The following CD163 variants were observed in gnomAD, a reference collection of about 807,000 sequenced individuals.
The protein encoded by CD163 is CD163 molecule.
Under a neutral mutation model 129.2 loss-of-function variants are expected in CD163, and 64 were observed. That is an observed-to-expected ratio of 0.50 (90% CI 0.41 to 0.61). The LOEUF (loss-of-function observed/expected upper bound fraction) is 0.61, where lower values mean the gene tolerates loss of function less well. Among genes scored for constraint, CD163 ranks in the 20% least tolerant of loss-of-function variants. The pLI is 0.00. For missense variants in CD163, 1,061 were observed against 1,377.9 expected (o/e 0.77, Z 3.64); for synonymous variants, 446 against 478.5 (o/e 0.93, Z 0.89).
intron 4 of CD163, among the ~76,000 whole-genome samples, chr12:7,497,943 T>G (rs74056492): frequency 0.021 from 3,193 of 152,238 alleles, 100 homozygotes; most frequent in African/African-American, 0.071. Flanking sequence ...CTATAGCTGA[T>G]CACATTGTTC....
Position 7,498,146 on chromosome 12 carries a change from C to CACACACAG in CD163, c.778+721_778+722insCTGTGTGT, listed in dbSNP as rs537347284. 1.8e-3 allele frequency among the ~76,000 whole-genome samples: 270 copies of CACACACAG among 148,938 alleles called. 1 individual carries two copies. Among genetic ancestry groups the CACACACAG allele is most frequent in the African/African-American group, 6.5e-3 (263 of 40,588 alleles). The stretch of plus-strand genomic sequence containing the variant: ...ATTTACACACACACACACACACACA[C>CACACACAG]AGAGAGAGAGAGAGAGAGAGAGAAA... On this transcript the variant is annotated intron_variant, in intron 4 of 16. Transcript: ENST00000432237.
At chr12:7,484,568 G>A (rs1433844836) in intron 11 of CD163, among the ~76,000 whole-genome samples, 1 of 148,756 alleles carries the variant, frequency 6.7e-6, no homozygotes, top group Non-Finnish European at 1.5e-5. Context: ...GAACCAAGAA[G>A]GCAGAGGTTG....
At position 7,497,228 on chromosome 12, in the gene CD163, G is replaced by A; in HGVS notation, c.779-95C>T. The A allele has an allele frequency of 8.2e-6, 8 of 981,552 alleles. No homozygotes were observed. In the South Asian group the frequency reaches 1.0e-4, roughly 12 times the overall value. The allele number at this position is 981,552 out of a possible 1,614,324, so 60.8% of individuals were successfully genotyped here. ...GAGATGAGTTAAGGAAAAGGGGAGA[G>A]ATATAAGTGGAGACAGAGAAAACTG... On this transcript the variant is annotated intron_variant, in intron 4 of 16. Transcript: ENST00000432237.
At position 7,497,243 on chromosome 12, in the gene CD163, A is replaced by G; in HGVS notation, c.779-110T>C. ...AAAGGGGAGAGATATAAGTGGAGAC[A>G]GAGAAAACTGTGATGTACTGTACTA... On this transcript the variant is annotated intron_variant, in intron 4 of 16. Coordinates refer to ENST00000432237, the MANE Select transcript of CD163 (RefSeq NM_203416.4). The G allele has an allele frequency of 3.4e-6, 3 of 871,344 alleles. No individual in the cohort carries two copies. The South Asian group carries it at 4.7e-5, about 14-fold the overall frequency. 54.0% of individuals were successfully genotyped at this position (871,344 alleles called of 1,614,324 possible).
intron 11 of CD163, 86 bp from the exon 12 acceptor site, chr12:7,483,761 A>T (rs1591997493): frequency 1.3e-5 from 3 of 223,500 alleles, no homozygotes; most frequent in Non-Finnish European, 1.5e-5. Flanking sequence ...TTTGAAACTT[A>T]AAAAAAAAAA....
chr12:7,491,634 T>G (rs1215913219), intron 6 of CD163, among the ~76,000 whole-genome samples: 1 of 152,084 alleles, frequency 6.6e-6, no homozygotes, highest in African/African-American at 2.4e-5. Context: ...TACTTCCTTT[T>G]GTTTAGTGAT....
Position 7,496,818 on chromosome 12 carries a change from C to T in CD163, c.1094G>A (p.Cys365Tyr). The change falls in exon 5 of 17, where the codon TGT becomes TAT. Residue 365 changes from cysteine to tyrosine, a missense_variant. Physicochemically the swap from Cys to Tyr is radical, Grantham distance 194 (BLOSUM62 -2). Transcript: ENST00000432237. This position sits in a 1 kb window ranked among gnomAD's most constrained non-coding sequence, Gnocchi z 4.8. The stretch of plus-strand genomic sequence containing the variant: ...TTGGTTTGGTTTTAACTTACCAGAA[C>T]ATGTCACGCCAGCATCTTCATTGTG... ...CNHNEDAGVTCSDGSDLELRL... is the reference protein window; with the variant it reads ...CNHNEDAGVTYSDGSDLELRL... The T allele has an allele frequency of 1.9e-6, 3 of 1,613,962 alleles. No individual in the cohort carries two copies. Among genetic ancestry groups the T allele is most frequent in the South Asian group, 1.1e-5 (1 of 91,056 alleles).
Position 7,485,423 on chromosome 12 carries a change from C to T in CD163, c.2459-7G>A, listed in dbSNP as rs1043959256. 8.7e-6 allele frequency: 14 copies of T among 1,607,182 alleles called. No homozygotes were observed. The South Asian group carries it at 8.8e-5, about 10-fold the overall frequency. ...AGTCTCAGAGACATGAATTCTGCAG[C>T]GAAACATAGAATTAGTAGTTTTGCA... On this transcript the variant is annotated splice_polypyrimidine_tract_variant and splice_region_variant and intron_variant, in intron 10 of 16. Transcript: ENST00000432237. This position sits in a 1 kb window ranked among gnomAD's most constrained non-coding sequence, Gnocchi z 4.5.
chr12:7,499,577 A>G (rs1331028545), intron 3 of CD163, among the ~76,000 whole-genome samples: 1 of 152,216 alleles, frequency 6.6e-6, no homozygotes, highest in Admixed American at 6.5e-5. Context: ...GATTAACTCC[A>G]CTGGTAGTTA....
At chr12:7,488,531 T>G (rs1265805340) in intron 6 of CD163, among the ~76,000 whole-genome samples, 4 of 152,212 alleles carry the variant, frequency 2.6e-5, no homozygotes, top group African/African-American at 9.6e-5. Flanking sequence ...ATTTTCAGAA[T>G]GAACATCAGA....
In CD163 at chr12:7,487,378, C is replaced by G; in HGVS notation, c.2031G>C (p.Val677=). 1 of 1,593,790 alleles carries G rather than the reference C, an allele frequency of 6.3e-7. No homozygotes were observed. The highest frequency in any genetic ancestry group is 8.5e-7 in the Non-Finnish European group (1 of 1,170,002). The change falls in exon 8 of 17, where the codon GTG becomes GTC. Residue 677 remains valine (V), a synonymous_variant. Coordinates refer to ENST00000432237, the MANE Select transcript of CD163 (RefSeq NM_203416.4). This position sits in a 1 kb window ranked among gnomAD's most constrained non-coding sequence, Gnocchi z 5.1. ...LGASLCPSEQ[V]ASVICSGNQS... is the part of the protein sequence containing the mutation. The stretch of plus-strand genomic sequence containing the variant: ...TCTTACCTGAGCAGATTACAGAGGC[C>G]ACTTGCTCTGAAGGACATAATGAAG...
chr12:7,502,641 T>C, intron 1 of CD163, 77 bp from the exon 2 acceptor site: 1 of 784,218 alleles, frequency 1.3e-6, no homozygotes, highest in South Asian at 1.5e-5. Context: ...TTTCAGAGGT[T>C]AATTAACAAA....
chr12:7,495,480 TCTC>T (rs1359978583), intron 5 of CD163, 79 bp from the exon 6 acceptor site: 1 of 1,224,208 alleles, frequency 8.2e-7, no homozygotes, highest in Non-Finnish European at 1.2e-6. Context: ...TCTTTTTTCT[TCTC>T]TGATACTGAT....
rs1949523693 is a variant in CD163, at chr12:7,503,657, A to G, written c.34T>C (p.Ser12Pro). 1.2e-6 allele frequency: 2 copies of G among 1,601,834 alleles called. No individual in the cohort carries two copies. The highest frequency in any genetic ancestry group is 1.7e-6 in the Non-Finnish European group (2 of 1,171,098). ...SKLRMVLLED[S>P]GSADFRRHFV... ...GAGAAGCTTTTACCAGCAGATCCAG[A>G]GTCTTCAAGTAGCACCATTCTGAGT... The change falls in exon 1 of 17, where the codon TCT (serine) becomes CCT (proline). Residue 12 changes from serine (S) to proline (P), a missense_variant. Coordinates refer to ENST00000432237, the MANE Select transcript of CD163 (RefSeq NM_203416.4).
intron 3 of CD163, among the ~76,000 whole-genome samples, chr12:7,500,467 G>C (rs768846822): frequency 3.2e-4 from 45 of 141,644 alleles, no homozygotes; most frequent in Non-Finnish European, 5.3e-4. Flanking sequence ...AAAAGAAATG[G>C]GGATCCCAGG....
chr12:7,477,052 C>A (rs775107145), intron 16 of CD163, among the ~76,000 whole-genome samples: 171 of 152,304 alleles, frequency 1.1e-3, no homozygotes, highest in African/African-American at 3.8e-3. Flanking sequence ...CATCTCACAC[C>A]AGTTAGAATG....
At chr12:7,501,113 G>GGAAAAAAATA in intron 3 of CD163, 26 bp downstream of exon 3, 1 of 1,598,412 alleles carries the variant, frequency 6.3e-7, no homozygotes, top group Non-Finnish European at 8.6e-7. Context: ...ATTTTGTGTT[G>GGAAAAAAATA]AGGCTTTGAC....
rs1949234750 is a variant in CD163 at position 7,485,430 on chromosome 12, T to C, written c.2459-14A>G. 2.5e-6 allele frequency: 4 copies of C among 1,592,996 alleles called. No homozygotes were observed. The highest frequency in any genetic ancestry group is 1.3e-5 in the African/African-American group (1 of 74,418). On this transcript the variant is annotated splice_polypyrimidine_tract_variant and intron_variant, in intron 10 of 16. Transcript: ENST00000432237. This position sits in a 1 kb window ranked among gnomAD's most constrained non-coding sequence, Gnocchi z 4.5. ...GAGACATGAATTCTGCAGCGAAACATAGAATTAGTAGTTTTGCATCTTTTC... is the reference window on the plus strand; with the variant it reads ...GAGACATGAATTCTGCAGCGAAACACAGAATTAGTAGTTTTGCATCTTTTC...
chr12:7,502,733 T>G (rs1157348940), intron 1 of CD163, 169 bp from the exon 2 acceptor site: 1 of 644,766 alleles, frequency 1.6e-6, no homozygotes, highest in Non-Finnish European at 2.8e-6. Flanking sequence ...TCATATAGTT[T>G]CAGTGAAATG....
Sources: gnomAD v4.1 joint callset for allele counts (sites outside exome capture counted in the v4.1 genomes callset) on GRCh38, gnomAD v4.1.1 for gene constraint, Gnocchi (gnomAD v3.1) non-coding constraint, MANE v1.5 for transcripts, NCBI Gene and HGNC (gene_info 2026-07-23, HGNC 2026-07-21) for gene names.